GAB1: variants seen among roughly 807,000 people sequenced by gnomAD.
The protein encoded by GAB1 is GRB2-associated-binding protein 1.
A neutral mutation model predicts 66.5 loss-of-function variants in GAB1; 19 were observed. The observed-to-expected ratio is 0.29, with a 90% confidence interval of 0.20 to 0.42. The LOEUF (loss-of-function observed/expected upper bound fraction) is 0.42. Ranked by LOEUF, GAB1 falls within the 10% of genes least tolerant of loss-of-function variation. GAB1 has a pLI of 1.00. For synonymous variants in GAB1, 294 were observed against 301.4 expected (o/e 0.98, Z 0.25); for missense variants, 732 against 858.5 (o/e 0.85, Z 1.84).
intron 2 of GAB1, among the ~76,000 whole-genome samples, chr4:143,420,922 G>A (rs1732978302): frequency 6.6e-6 from 1 of 151,776 alleles, no homozygotes; most frequent in Non-Finnish European, 1.5e-5. Context: ...TTTTATTGAG[G>A]TATAACTTAC....
intron 1 of GAB1, among the ~76,000 whole-genome samples, chr4:143,357,924 T>C (rs945494795): frequency 6.6e-6 from 1 of 151,950 alleles, no homozygotes; most frequent in African/African-American, 2.4e-5. Flanking sequence ...GCATTCCTAT[T>C]TTTTTATACA....
At chr4:143,400,963 C>T (rs1405067551) in intron 1 of GAB1, among the ~76,000 whole-genome samples, 2 of 140,730 alleles carry the variant, frequency 1.4e-5, no homozygotes, top group African/African-American at 5.3e-5. Context: ...AGCAAGACTC[C>T]ATCACAAAAA....
chr4:143,408,628 G>A lies in GAB1; in HGVS notation c.73-6849G>A, dbSNP rs3792651. ...ATGAATTGCCTAGCTTTATTGTGTA[G>A]ATGTCCCATAATTTATTTGACCATT... On this transcript the variant is annotated intron_variant, in intron 1 of 9. Transcript: ENST00000262994. Among the ~76,000 whole-genome samples the A allele has an allele frequency of 2.4e-3, 372 of 152,222 alleles. 6 individuals are homozygous for A. In the East Asian group the frequency reaches 0.06, roughly 24 times the overall value.
intron 6 of GAB1, among the ~76,000 whole-genome samples, chr4:143,458,237 C>A (rs1399186675): frequency 1.3e-5 from 2 of 152,104 alleles, no homozygotes. Context: ...TACTTTCACT[C>A]AGCGGAATAT....
intron 1 of GAB1, among the ~76,000 whole-genome samples, chr4:143,411,230 G>A (rs771474204): frequency 3.3e-5 from 5 of 152,164 alleles, no homozygotes; most frequent in Non-Finnish European, 4.4e-5. Context: ...GGCAGTCACT[G>A]AGCATAGGGA....
chr4:143,431,896 A>C (rs183592047), intron 2 of GAB1, among the ~76,000 whole-genome samples: 23 of 152,310 alleles, frequency 1.5e-4, no homozygotes, highest in Non-Finnish European at 2.8e-4. Context: ...GAGAAAGAAG[A>C]AGCAGTTTTC....
intron 1 of GAB1, among the ~76,000 whole-genome samples, chr4:143,405,012 A>G (rs1731968069): frequency 6.6e-6 from 1 of 152,226 alleles, no homozygotes. Context: ...CTTTAATTTG[A>G]GAGATAACAT....
chr4:143,377,070 A>G (rs1168654798), intron 1 of GAB1, among the ~76,000 whole-genome samples: 1 of 151,806 alleles, frequency 6.6e-6, no homozygotes, highest in East Asian at 1.9e-4. Flanking sequence ...AATGTTTTCC[A>G]GAATAATATT....
intron 2 of GAB1, chr4:143,417,392 A>G (rs1462185863): frequency 2.4e-6 from 1 of 420,314 alleles, no homozygotes; most frequent in Non-Finnish European, 4.7e-6. Context: ...TACCTCGGGT[A>G]CTTTTTTATT....
intron 1 of GAB1, among the ~76,000 whole-genome samples, chr4:143,347,086 A>T (rs927963676): frequency 7.2e-5 from 11 of 152,234 alleles, no homozygotes; most frequent in Admixed American, 2.6e-4. Flanking sequence ...TATACACAGG[A>T]ATCTGTGAAA....
intron 1 of GAB1, among the ~76,000 whole-genome samples, chr4:143,357,945 ATCTC>A (rs1729513555): frequency 6.6e-6 from 1 of 151,990 alleles, no homozygotes; most frequent in South Asian, 2.1e-4. Flanking sequence ...TGTTTTGTAA[ATCTC>A]TCCTTTAGTG....
chr4:143,391,548 T>C (rs1243368408), intron 1 of GAB1: 1 of 151,758 alleles, frequency 6.6e-6, no homozygotes. Context: ...AAACTTTTTC[T>C]TGGGAGCAAG....
Position 143,378,629 on chromosome 4 carries a change from G to GTCTCTCTCTCTCTC in GAB1, c.73-36817_73-36804dup, listed in dbSNP as rs3049720. ...GACAGCCTATTGGAACTTCCAAAGT[G>GTCTCTCTCTCTCTC]TCTCTCTCTCTCTCTCTCTCTCTCT... is the stretch of plus-strand genomic sequence containing the variant. On this transcript the variant is annotated intron_variant, in intron 1 of 9. Transcript: ENST00000262994. Among the ~76,000 whole-genome samples the GTCTCTCTCTCTCTC allele has an allele frequency of 6.0e-4, 78 of 129,226 alleles. 1 individual carries two copies. The highest frequency in any genetic ancestry group is 5.9e-3 in the East Asian group (25 of 4,250). 84.8% of individuals were successfully genotyped at this position (129,226 alleles called of 152,430 possible).
chr4:143,350,943 C>T (rs1308662148), intron 1 of GAB1, among the ~76,000 whole-genome samples: 3 of 152,088 alleles, frequency 2.0e-5, no homozygotes. Flanking sequence ...TTCCCTTGTC[C>T]CCCTCGCAGG....
rs973022123 is a variant in GAB1, at chr4:143,470,566, T to A, written c.*1377T>A. The A allele has an allele frequency of 1.3e-5, 2 of 152,262 alleles. No homozygotes were observed. Among genetic ancestry groups the A allele is most frequent in the Non-Finnish European group, 2.9e-5 (2 of 68,044 alleles). 9.4% of individuals were successfully genotyped at this position (152,262 alleles called of 1,614,324 possible). On this transcript the variant is annotated 3_prime_UTR_variant, in exon 10 of 10. Transcript: ENST00000262994. ...TTAAGACCACAAGTTGTAGTGAGGC[T>A]ACAATTATATTCGTCTGTCTTGGCT...
At chr4:143,354,369 A>G (rs1196252547) in intron 1 of GAB1, among the ~76,000 whole-genome samples, 1 of 151,840 alleles carries the variant, frequency 6.6e-6, no homozygotes, top group African/African-American at 2.4e-5. Context: ...TCCAATGAAT[A>G]TTTATATTTT....
intron 1 of GAB1, among the ~76,000 whole-genome samples, chr4:143,355,494 G>A (rs1729409578): frequency 6.6e-6 from 1 of 152,032 alleles, no homozygotes; most frequent in South Asian, 2.1e-4. Flanking sequence ...TAAGTGCACG[G>A]CACAGTAGGT....
Position 143,350,468 on chromosome 4 carries a change from G to A in GAB1, c.72+13208G>A, listed in dbSNP as rs115291205. Among the ~76,000 whole-genome samples, 1,425 of 152,020 alleles carry A rather than the reference G, an allele frequency of 9.4e-3. 18 individuals are homozygous for A. Among genetic ancestry groups the A allele is most frequent in the African/African-American group, 0.033 (1,352 of 41,474 alleles). ...CGGGGCGGGCACATCACCTGAGTTC[G>A]GGAGACAGAGACCAGCCTGGCCAAC... On this transcript the variant is annotated intron_variant, in intron 1 of 9. Transcript: ENST00000262994.
intron 1 of GAB1, among the ~76,000 whole-genome samples, chr4:143,379,660 C>T (rs1730572072): frequency 6.6e-6 from 1 of 152,122 alleles, no homozygotes; most frequent in East Asian, 1.9e-4. Context: ...GATCTCCACT[C>T]ACTGCAGCCT....
Sources: allele counts gnomAD v4.1 joint callset (sites outside exome capture counted in the v4.1 genomes callset), GRCh38; gene constraint gnomAD v4.1.1; transcripts MANE v1.5; gene names NCBI Gene and HGNC (gene_info 2026-07-23, HGNC 2026-07-21).